NCAM2: variants seen among roughly 807,000 people sequenced by gnomAD.
NCAM2 encodes neural cell adhesion molecule 2.
NCAM2 carries 30 observed loss-of-function variants against 98.1 expected under a neutral mutation model. That is an observed-to-expected ratio of 0.31 (90% CI 0.23 to 0.41). The LOEUF (loss-of-function observed/expected upper bound fraction) is 0.41, where lower values mean the gene tolerates loss of function less well. Ranked by LOEUF, NCAM2 falls within the 10% of genes least tolerant of loss-of-function variation. The probability of loss-of-function intolerance (pLI) is 1.00; values close to 1 mark genes in which losing one functional copy is unlikely to be tolerated. For missense variants in NCAM2, 867 were observed against 1,005.8 expected (o/e 0.86, Z 1.87); for synonymous variants, 368 against 342.4 (o/e 1.07, Z -0.83).
intron 15 of NCAM2, among the ~76,000 whole-genome samples, chr21:21,498,941 A>G (rs1391376230): frequency 6.6e-6 from 1 of 152,134 alleles, no homozygotes; most frequent in Non-Finnish European, 1.5e-5. Flanking sequence ...CTCAAAACTG[A>G]GCAAAAGCCA....
chr21:21,247,047 C>T (rs575174171), intron 1 of NCAM2, among the ~76,000 whole-genome samples: 2 of 152,034 alleles, frequency 1.3e-5, no homozygotes, highest in African/African-American at 4.8e-5. Flanking sequence ...AGACTAGGCG[C>T]GTTGGCTCAC....
intron 9 of NCAM2, among the ~76,000 whole-genome samples, chr21:21,400,559 T>C (rs2076605550): frequency 6.6e-6 from 1 of 152,022 alleles, no homozygotes; most frequent in Non-Finnish European, 1.5e-5. Context: ...TTTTTGTCTG[T>C]TTGAAAGATA....
intron 1 of NCAM2, among the ~76,000 whole-genome samples, chr21:21,178,934 G>A (rs191395737): frequency 6.6e-6 from 1 of 152,152 alleles, no homozygotes; most frequent in Non-Finnish European, 1.5e-5. Flanking sequence ...TCTCACAAAG[G>A]TGGTGTCTAC....
intron 15 of NCAM2, among the ~76,000 whole-genome samples, chr21:21,490,491 A>G (rs1431554381): frequency 2.0e-5 from 3 of 151,902 alleles, no homozygotes; most frequent in Non-Finnish European, 2.9e-5. Context: ...ATTTCATTTT[A>G]GTTAGTAAAA....
intron 5 of NCAM2, among the ~76,000 whole-genome samples, chr21:21,313,865 G>T (rs921728370): frequency 8.6e-5 from 13 of 152,006 alleles, no homozygotes; most frequent in Non-Finnish European, 1.9e-4. Context: ...TGGGGAGGGG[G>T]TGTTGCCGTT....
At chr21:21,250,630 TG>T in intron 1 of NCAM2, among the ~76,000 whole-genome samples, 1 of 152,304 alleles carries the variant, frequency 6.6e-6, no homozygotes, top group Non-Finnish European at 1.5e-5. Context: ...AGAAGTCATA[TG>T]TTTTTTTCAA....
chr21:21,363,660 T>A lies in NCAM2; in HGVS notation c.1045-10203T>A, dbSNP rs78015606. Among the ~76,000 whole-genome samples, 22 of 152,226 alleles carry A rather than the reference T, an allele frequency of 1.4e-4. No homozygotes were observed. In the East Asian group the frequency reaches 4.2e-3, roughly 29 times the overall value. On this transcript the variant is annotated intron_variant, in intron 8 of 17. Coordinates refer to ENST00000400546, the MANE Select transcript of NCAM2 (RefSeq NM_004540.5). ...TAAAGATTCATCACAGTCTGACACA[T>A]GATTTTCTTTGATTTTTTATAGAAA...
intron 17 of NCAM2, among the ~76,000 whole-genome samples, chr21:21,536,925 G>T (rs567852750): frequency 4.7e-4 from 72 of 152,094 alleles, no homozygotes; most frequent in African/African-American, 1.6e-3. Context: ...CTCAAAATCC[G>T]TGTTGCAAAG....
At chr21:21,193,077 G>A (rs931715333) in intron 1 of NCAM2, among the ~76,000 whole-genome samples, 1 of 152,088 alleles carries the variant, frequency 6.6e-6, no homozygotes, top group Non-Finnish European at 1.5e-5. Context: ...GATACTGGCT[G>A]TAAACAAAAG....
At chr21:21,426,597 C>T (rs1475925363) in intron 11 of NCAM2, among the ~76,000 whole-genome samples, 1 of 152,120 alleles carries the variant, frequency 6.6e-6, no homozygotes, top group Non-Finnish European at 1.5e-5. Flanking sequence ...GGTCAGGAAG[C>T]CCTCCTGCCA....
At chr21:21,103,243 G>T (rs369436226) in intron 1 of NCAM2, among the ~76,000 whole-genome samples, 6 of 300 alleles carry the variant, frequency 0.02, no homozygotes, top group African/African-American at 0.059. Flanking sequence ...ATAGTATTTA[G>T]GTTAGTCATT....
chr21:21,292,327 C>G (rs1455601022), intron 5 of NCAM2, 86 bp downstream of exon 5: 22 of 1,312,356 alleles, frequency 1.7e-5, no homozygotes, highest in Non-Finnish European at 2.0e-5. Context: ...ACTCAAAATA[C>G]AAGTCTTATC....
At chr21:21,004,979 A>T (rs986200909) in intron 1 of NCAM2, among the ~76,000 whole-genome samples, 1 of 152,176 alleles carries the variant, frequency 6.6e-6, no homozygotes, top group African/African-American at 2.4e-5. Flanking sequence ...GAGAAAAAAA[A>T]TGAGTGAACA....
At chr21:21,076,512 C>T (rs146452218) in intron 1 of NCAM2, among the ~76,000 whole-genome samples, 1,584 of 152,246 alleles carry the variant, frequency 0.01, 13 homozygotes, top group Non-Finnish European at 0.016. Flanking sequence ...AGGTTTGAAA[C>T]ATGCCATTCC....
intron 1 of NCAM2, among the ~76,000 whole-genome samples, chr21:21,060,494 TA>T (rs892652937): frequency 1.3e-5 from 2 of 152,134 alleles, no homozygotes; most frequent in African/African-American, 4.8e-5. Flanking sequence ...AATGTTGTCT[TA>T]AGCAGACAAT....
intron 16 of NCAM2, among the ~76,000 whole-genome samples, chr21:21,512,546 A>G (rs1314046535): frequency 2.0e-5 from 3 of 151,696 alleles, no homozygotes; most frequent in African/African-American, 7.3e-5. Context: ...TGTTCTTTTG[A>G]GTCAGGATGG....
At chr21:21,293,593 T>G (rs1249377090) in intron 5 of NCAM2, among the ~76,000 whole-genome samples, 1 of 151,656 alleles carries the variant, frequency 6.6e-6, no homozygotes, top group African/African-American at 2.4e-5. Flanking sequence ...ATCAGTGGAG[T>G]AGTTAACCTT....
chr21:21,425,924 A>T (rs1279341982), intron 11 of NCAM2, among the ~76,000 whole-genome samples: 1 of 152,156 alleles, frequency 6.6e-6, no homozygotes, highest in African/African-American at 2.4e-5. Flanking sequence ...ACCAACATAA[A>T]TATATTGCTT....
intron 1 of NCAM2, among the ~76,000 whole-genome samples, chr21:21,158,042 A>T (rs1279529354): frequency 2.6e-5 from 4 of 152,154 alleles, no homozygotes; most frequent in African/African-American, 9.7e-5. Context: ...AATCTTCGGA[A>T]ATTTAAATGT....
Sources: gnomAD v4.1 joint callset for allele counts (sites outside exome capture counted in the v4.1 genomes callset) on GRCh38, gnomAD v4.1.1 for gene constraint, MANE v1.5 for transcripts, NCBI Gene and HGNC (gene_info 2026-07-23, HGNC 2026-07-21) for gene names.